The following ERBB4 variants were observed in gnomAD, a reference collection of about 807,000 sequenced individuals.
The protein encoded by ERBB4 is erb-b2 receptor tyrosine kinase 4.
Under a neutral mutation model 158.0 loss-of-function variants are expected in ERBB4, and 42 were observed. The ratio of observed to expected loss-of-function variants is 0.27; its 90% confidence interval spans 0.21 to 0.34. ERBB4 has a LOEUF of 0.34. Among genes scored for constraint, ERBB4 ranks in the 10% least tolerant of loss-of-function variants. The pLI is 1.00. For missense variants in ERBB4, 1,333 were observed against 1,624.1 expected, an observed-to-expected ratio of 0.82 and a Z score of 3.08; for synonymous variants, 583 against 558.7, an observed-to-expected ratio of 1.04 and a Z score of -0.61.
chr2:211,517,680 T>C (rs2066074147), intron 20 of ERBB4, among the ~76,000 whole-genome samples: 1 of 152,040 alleles, frequency 6.6e-6, no homozygotes, highest in Non-Finnish European at 1.5e-5. Context: ...TTTGTACAAA[T>C]TACAAGAAAG....
At chr2:211,542,931 C>A (rs1032527881) in intron 20 of ERBB4, among the ~76,000 whole-genome samples, 2 of 151,644 alleles carry the variant, frequency 1.3e-5, no homozygotes, top group African/African-American at 4.9e-5. Context: ...AAAGTACACC[C>A]TAGGTAGTAT....
At chr2:212,160,130 C>T (rs750850593) in intron 1 of ERBB4, among the ~76,000 whole-genome samples, 4 of 151,908 alleles carry the variant, frequency 2.6e-5, no homozygotes, top group Non-Finnish European at 5.9e-5. Flanking sequence ...TAACCCTTTC[C>T]TCAGAAGGGT....
At chr2:211,860,279 A>G (rs2077978030) in intron 3 of ERBB4, among the ~76,000 whole-genome samples, 1 of 152,142 alleles carries the variant, frequency 6.6e-6, no homozygotes, top group Non-Finnish European at 1.5e-5. Context: ...AGTTACTCCA[A>G]TTATTTTCTA....
chr2:212,319,839 T>C (rs2087476050), intron 1 of ERBB4, among the ~76,000 whole-genome samples: 1 of 150,190 alleles, frequency 6.7e-6, no homozygotes, highest in Non-Finnish European at 1.5e-5. Flanking sequence ...ATTTAACACA[T>C]ATTTGTTCTG....
intron 2 of ERBB4, among the ~76,000 whole-genome samples, chr2:212,063,593 T>C (rs2077846872): frequency 6.6e-6 from 1 of 151,856 alleles, no homozygotes; most frequent in South Asian, 2.1e-4. Flanking sequence ...GAAAGCATGA[T>C]AGCAAACCCA....
chr2:211,409,408 T>A (rs2063210435), intron 25 of ERBB4, among the ~76,000 whole-genome samples: 1 of 152,190 alleles, frequency 6.6e-6, no homozygotes, highest in Non-Finnish European at 1.5e-5. Flanking sequence ...AAATGGTAGC[T>A]ATATTTAGGT....
intron 3 of ERBB4, among the ~76,000 whole-genome samples, chr2:211,946,159 C>T (rs1400775833): frequency 6.6e-6 from 1 of 151,966 alleles, no homozygotes; most frequent in East Asian, 1.9e-4. Flanking sequence ...AAATTCTGAA[C>T]AATTTGCATT....
At chr2:211,898,042 G>C (rs1417448044) in intron 3 of ERBB4, among the ~76,000 whole-genome samples, 1 of 151,966 alleles carries the variant, frequency 6.6e-6, no homozygotes, top group Non-Finnish European at 1.5e-5. Context: ...GGGGTTACAA[G>C]TATGAGCCAT....
chr2:211,875,025 C>CAAAAAAAAAAGA (rs2078456427), intron 3 of ERBB4, among the ~76,000 whole-genome samples: 1 of 27,026 alleles, frequency 3.7e-5, no homozygotes. Flanking sequence ...AATAGAAATG[C>CAAAAAAAAAAGA]AAAAAAAAAA....
At chr2:212,147,086 G>A (rs2080702296) in intron 1 of ERBB4, among the ~76,000 whole-genome samples, 1 of 146,344 alleles carries the variant, frequency 6.8e-6, no homozygotes, top group African/African-American at 2.5e-5. Context: ...CATCTCCGGG[G>A]TTCAAGTGAT....
rs576571153 is a variant in ERBB4, at chr2:212,254,672, T to C, written c.83-129769A>G. 1.1e-3 allele frequency among the ~76,000 whole-genome samples: 170 copies of C among 152,284 alleles called. 2 individuals are homozygous for C. The South Asian group carries it at 0.029, about 26-fold the overall frequency. On this transcript the variant is annotated intron_variant, in intron 1 of 27. Transcript: ENST00000342788. Reference sequence around the variant, plus strand: ...GCATGGCATAGGAAAAAAGACAGCATGCCACTGATGGGAAAACTTCCTAAC... The same window carrying C: ...GCATGGCATAGGAAAAAAGACAGCACGCCACTGATGGGAAAACTTCCTAAC...
At chr2:212,345,963 T>C (rs533337448) in intron 1 of ERBB4, among the ~76,000 whole-genome samples, 1 of 152,298 alleles carries the variant, frequency 6.6e-6, no homozygotes, top group South Asian at 2.1e-4. Flanking sequence ...TTTTATATTA[T>C]CTATTAAGAA....
In ERBB4 at chr2:212,223,315, C is replaced by A. The variant is rs563028253; in HGVS notation, c.83-98412G>T. Among the ~76,000 whole-genome samples, 10 of 133,408 alleles carry A rather than the reference C, an allele frequency of 7.5e-5. No individual in the cohort carries two copies. The South Asian group carries it at 2.6e-3, about 34-fold the overall frequency. 87.5% of individuals were successfully genotyped at this position (133,408 alleles called of 152,430 possible). On this transcript the variant is annotated intron_variant, in intron 1 of 27. Coordinates refer to ENST00000342788, the MANE Select transcript of ERBB4 (RefSeq NM_005235.3). ...TACCTTGCATGAACCTTTATTTTAGCAATATCCTTATTAAGCTTATATATA... is the reference window on the plus strand; with the variant it reads ...TACCTTGCATGAACCTTTATTTTAGAAATATCCTTATTAAGCTTATATATA...
At chr2:211,514,222 C>T (rs908382895) in intron 20 of ERBB4, among the ~76,000 whole-genome samples, 4 of 152,046 alleles carry the variant, frequency 2.6e-5, no homozygotes, top group Admixed American at 6.5e-5. Context: ...CATATTAGAG[C>T]GAACACTAAC....
chr2:212,373,434 A>T (rs907998079), intron 1 of ERBB4, among the ~76,000 whole-genome samples: 2 of 152,050 alleles, frequency 1.3e-5, no homozygotes, highest in Admixed American at 6.6e-5. Context: ...AGATAAAATC[A>T]TAATAATGAT....
At chr2:211,606,947 T>C (rs1395716294) in intron 19 of ERBB4, among the ~76,000 whole-genome samples, 2 of 152,184 alleles carry the variant, frequency 1.3e-5, no homozygotes, top group Non-Finnish European at 2.9e-5. Context: ...TACACATGTT[T>C]CCTATGGTGA....
At chr2:211,430,545 A>G (rs2063725876) in intron 21 of ERBB4, among the ~76,000 whole-genome samples, 1 of 152,078 alleles carries the variant, frequency 6.6e-6, no homozygotes, top group Non-Finnish European at 1.5e-5. Context: ...GAGAGAATCT[A>G]TGTTCTCTAT....
At chr2:211,649,827 A>G (rs546774840) in intron 16 of ERBB4, among the ~76,000 whole-genome samples, 2 of 152,024 alleles carry the variant, frequency 1.3e-5, no homozygotes, top group East Asian at 3.9e-4. Flanking sequence ...AGTTACTGCA[A>G]AATTACAATG....
At chr2:212,294,406 C>T (rs1355727224) in intron 1 of ERBB4, among the ~76,000 whole-genome samples, 1 of 151,942 alleles carries the variant, frequency 6.6e-6, no homozygotes, top group African/African-American at 2.4e-5. Flanking sequence ...AGTCAATCAT[C>T]TGATTTTTGT....
Sources: gnomAD v4.1 joint callset for allele counts (sites outside exome capture counted in the v4.1 genomes callset) on GRCh38, gnomAD v4.1.1 for gene constraint, MANE v1.5 for transcripts, NCBI Gene and HGNC (gene_info 2026-07-23, HGNC 2026-07-21) for gene names.